Variants in RBFA observed in about 807,000 individuals in gnomAD.
RBFA encodes the protein ribosome binding factor A, also known as putative ribosome-binding factor A, mitochondrial.
RBFA carries 16 observed loss-of-function variants against 27.9 expected under a neutral mutation model. That is an observed-to-expected ratio of 0.57 (90% confidence interval 0.39 to 0.87). RBFA has a LOEUF of 0.87. RBFA is among the 40% of genes least tolerant of loss of function. The pLI is 0.00. For missense variants in RBFA, 456 were observed against 432.1 expected (o/e 1.06, Z -0.49); for synonymous variants, 181 against 181.0 (o/e 1.00, Z 0.00).
At chr18:80,045,457 C>G (rs957952326) in intron 6 of RBFA, among the ~76,000 whole-genome samples, 2 of 152,068 alleles carry the variant, frequency 1.3e-5, no homozygotes. Context: ...GCACTCCTGA[C>G]CTCGTGATCC....
At chr18:80,044,638 G>C (rs2052038387) in intron 6 of RBFA, among the ~76,000 whole-genome samples, 1 of 152,266 alleles carries the variant, frequency 6.6e-6, no homozygotes, top group Non-Finnish European at 1.5e-5. Flanking sequence ...GTTTCATTAG[G>C]GGAGGCCGAC....
At chr18:80,039,105 A>G (rs1049477762) in intron 4 of RBFA, among the ~76,000 whole-genome samples, 7 of 152,254 alleles carry the variant, frequency 4.6e-5, no homozygotes, top group Non-Finnish European at 1.0e-4. Context: ...ACTTGAGGCC[A>G]GGAGTTCAGG....
chr18:80,040,238 A>G (rs1238277628), intron 4 of RBFA, among the ~76,000 whole-genome samples: 1 of 34,818 alleles, frequency 2.9e-5, no homozygotes. Flanking sequence ...GGGAGGCCTG[A>G]ATTTTTTTTT....
intron 5 of RBFA, among the ~76,000 whole-genome samples, chr18:80,043,558 G>A (rs758332389): frequency 2.0e-5 from 3 of 152,210 alleles, no homozygotes; most frequent in African/African-American, 4.8e-5. Flanking sequence ...CTCTGGGGAG[G>A]GAGGTCCCAT....
chr18:80,040,486 G>A (rs1198596451), intron 4 of RBFA, among the ~76,000 whole-genome samples: 6 of 151,950 alleles, frequency 3.9e-5, no homozygotes, highest in Admixed American at 6.6e-5. Context: ...GGGCTTAAGC[G>A]ATCCTCTGGC....
chr18:80,045,572 C>T (rs183798209), intron 6 of RBFA, among the ~76,000 whole-genome samples: 18 of 152,120 alleles, frequency 1.2e-4, no homozygotes, highest in Admixed American at 1.0e-3. Context: ...CTGTGCTGGC[C>T]GAATGCTTCT....
intron 4 of RBFA, 102 bp from the exon 5 acceptor site, chr18:80,042,033 C>A (rs371504029): frequency 3.7e-6 from 3 of 803,106 alleles, no homozygotes; most frequent in East Asian, 6.3e-5. Flanking sequence ...GCCTCTCACT[C>A]CTGCCTCTTG....
chr18:80,044,165 G>A lies in RBFA; in HGVS notation c.577-47G>A, dbSNP rs748771068. ...TACGTGGAGCCCGGCTGTAAGTATGGTGGTGGGGATGTGGCTAACGGGTTT... is the reference window on the plus strand; with the variant it reads ...TACGTGGAGCCCGGCTGTAAGTATGATGGTGGGGATGTGGCTAACGGGTTT... On this transcript the variant is annotated intron_variant, in intron 5 of 6. Coordinates refer to ENST00000306735, the MANE Select transcript of RBFA (RefSeq NM_024805.3). 3 of 1,495,916 alleles carry A rather than the reference G, an allele frequency of 2.0e-6. No individual in the cohort carries two copies. The East Asian group carries it at 6.8e-5, about 34-fold the overall frequency. 92.7% of individuals were successfully genotyped at this position (1,495,916 alleles called of 1,614,324 possible).
At chr18:80,041,138 G>C (rs1216666870) in intron 4 of RBFA, among the ~76,000 whole-genome samples, 1 of 152,070 alleles carries the variant, frequency 6.6e-6, no homozygotes, top group Non-Finnish European at 1.5e-5. Context: ...GATGCCCAGG[G>C]GTCTGTGAAA....
rs772930559 is a variant in RBFA, at chr18:80,038,539, C to T, written c.413C>T (p.Ala138Val). The stretch of plus-strand genomic sequence containing the variant: ...ACTCCAGACTTCTCAGCCTGCCGAG[C>T]GTACTGGAAGACAACGCTCTCTGCT... ...SLTPDFSACR[A>V]YWKTTLSAEQ... is the part of the protein sequence containing the mutation. Residue 138 changes from alanine to valine, a missense_variant, in exon 4 of 7, where the codon GCG becomes GTG. Coordinates refer to ENST00000306735, the MANE Select transcript of RBFA (RefSeq NM_024805.3). 4.3e-6 allele frequency: 7 copies of T among 1,613,730 alleles called. No individual in the cohort carries two copies. The highest frequency in any genetic ancestry group is 1.7e-4 in the Middle Eastern group (1 of 6,056).
At chr18:80,040,600 C>A (rs1487479300) in intron 4 of RBFA, among the ~76,000 whole-genome samples, 1 of 152,006 alleles carries the variant, frequency 6.6e-6, no homozygotes. Flanking sequence ...CAGTGAGATC[C>A]CAGCTGTCTT....
intron 5 of RBFA, among the ~76,000 whole-genome samples, chr18:80,043,656 G>C (rs932516801): frequency 3.9e-5 from 6 of 152,226 alleles, no homozygotes; most frequent in Non-Finnish European, 7.3e-5. Context: ...CGGAGGCAGG[G>C]GATAGGCAGG....
At position 80,038,618 on chromosome 18, in the gene RBFA, G is replaced by T. The variant is rs774931871; in HGVS notation, c.491+1G>T. ...TGCAGAGAAGTGCCGCGCACATGAG[G>T]TGATGACCTTTGCTTTCTGAATGTA... is the stretch of plus-strand genomic sequence containing the variant. On this transcript the variant is annotated splice_donor_variant, in intron 4 of 6. Coordinates refer to ENST00000306735, the MANE Select transcript of RBFA (RefSeq NM_024805.3). LOFTEE classifies it high-confidence loss of function. 3 of 1,605,398 alleles carry T rather than the reference G, an allele frequency of 1.9e-6. No homozygotes were observed. The highest frequency in any genetic ancestry group is 2.2e-5 in the East Asian group (1 of 44,694).
At chr18:80,044,380 A>C in intron 6 of RBFA, 95 bp downstream of exon 6, 1 of 1,089,226 alleles carries the variant, frequency 9.2e-7, no homozygotes, top group Admixed American at 1.8e-5. Context: ...CCACATCCCG[A>C]GTAGCCTGCA....
chr18:80,037,522 A>C lies in RBFA; in HGVS notation c.378+16A>C. On this transcript the variant is annotated intron_variant, in intron 3 of 6. Coordinates refer to ENST00000306735, the MANE Select transcript of RBFA (RefSeq NM_024805.3). ...GCTCTCCAAGGTAGGCTGTGTGGCCAAAGAGAAGAAATGGGTTGAGACAGC... is the reference window on the plus strand; with the variant it reads ...GCTCTCCAAGGTAGGCTGTGTGGCCCAAGAGAAGAAATGGGTTGAGACAGC... 1 of 1,592,080 alleles carries C rather than the reference A, an allele frequency of 6.3e-7. No individual in the cohort carries two copies. Among genetic ancestry groups the C allele is most frequent in the Admixed American group, 1.7e-5 (1 of 58,962 alleles).
At position 80,047,849 on chromosome 18, in the gene RBFA, G is replaced by T. The variant is rs1323987983; in HGVS notation, c.*1694G>T. On this transcript the variant is annotated 3_prime_UTR_variant, in exon 7 of 7. Transcript: ENST00000306735. ...CAGTGAAGGGGTGTACATGTCTGTG[G>T]TTAATCATATAGGTCAGGATAATGA... Among the ~76,000 whole-genome samples, 1 of 152,206 alleles carries T rather than the reference G, an allele frequency of 6.6e-6. No homozygotes were observed. The highest frequency in any genetic ancestry group is 1.5e-5 in the Non-Finnish European group (1 of 68,044).
rs1438330374 is a variant in RBFA, at chr18:80,045,845, A to G, written c.722A>G (p.His241Arg). The G allele has an allele frequency of 6.3e-7, 1 of 1,575,712 alleles. No homozygotes were observed. Among genetic ancestry groups the G allele is most frequent in the Non-Finnish European group, 8.6e-7 (1 of 1,161,124 alleles). ...TTSSSLCGID[H>R]EALNKQIMEY... Reference sequence around the variant, plus strand: ...AGCTCCAGTCTGTGTGGGATCGATCATGAGGCGCTCAACAAGCAGATTATG... The same window carrying G: ...AGCTCCAGTCTGTGTGGGATCGATCGTGAGGCGCTCAACAAGCAGATTATG... Residue 241 changes from histidine (H) to arginine (R), a missense_variant, in exon 7 of 7, where the codon CAT (histidine) becomes CGT (arginine). His to Arg is a conservative substitution (Grantham distance 29). Transcript: ENST00000306735.
intron 4 of RBFA, among the ~76,000 whole-genome samples, chr18:80,039,944 C>T (rs1415611018): frequency 6.6e-6 from 1 of 152,176 alleles, no homozygotes; most frequent in Non-Finnish European, 1.5e-5. Flanking sequence ...GAGTCTTGCT[C>T]TGTCGCCCAG....
rs780480155 is a variant in RBFA, at chr18:80,046,324, T to C, written c.*169T>C. 8.2e-6 allele frequency: 6 copies of C among 730,844 alleles called. No homozygotes were observed. Among genetic ancestry groups the C allele is most frequent in the Non-Finnish European group, 1.3e-5 (6 of 457,506 alleles). 45.3% of individuals were successfully genotyped at this position (730,844 alleles called of 1,614,324 possible). On this transcript the variant is annotated 3_prime_UTR_variant, in exon 7 of 7. Transcript: ENST00000306735. ...ACACAATTTGCTACACAAGTCACTG[T>C]TTTTTTTTCCATGCACTGTGTGTAA...
Sources: allele counts gnomAD v4.1 joint callset (sites outside exome capture counted in the v4.1 genomes callset), GRCh38; gene constraint gnomAD v4.1.1; transcripts MANE v1.5; gene names NCBI Gene and HGNC (gene_info 2026-07-23, HGNC 2026-07-21).